Variants in MYO7A observed in about 807,000 individuals in gnomAD.
MYO7A encodes unconventional myosin-VIIa.
MYO7A carries 210 observed loss-of-function variants against 263.8 expected under a neutral mutation model. The observed-to-expected ratio is 0.80, with a 90% CI of 0.71 to 0.89. MYO7A has a LOEUF of 0.89. Ranked by LOEUF, MYO7A falls within the 40% of genes least tolerant of loss-of-function variation. The pLI is 0.00. For missense variants in MYO7A, 2,820 were observed against 2,968.3 expected, an observed-to-expected ratio of 0.95 and a Z score of 1.16; for synonymous variants, 1,239 against 1,197.3, an observed-to-expected ratio of 1.03 and a Z score of -0.72.
At chr11:77,131,883 G>A (rs1591167520) in intron 2 of MYO7A, among the ~76,000 whole-genome samples, 2 of 152,216 alleles carry the variant, frequency 1.3e-5, no homozygotes, top group African/African-American at 4.8e-5. Flanking sequence ...TGCACAGGCC[G>A]GGCCTAATGG....
intron 14 of MYO7A, among the ~76,000 whole-genome samples, chr11:77,165,822 C>G (rs1469604047): frequency 1.3e-5 from 2 of 152,128 alleles, no homozygotes; most frequent in Non-Finnish European, 2.9e-5. Flanking sequence ...CTGAGACCCC[C>G]CTGCCCTTCT....
chr11:77,203,935 T>C, intron 38 of MYO7A, 141 bp from the exon 39 acceptor site: 1 of 915,046 alleles, frequency 1.1e-6, no homozygotes, highest in Non-Finnish European at 1.6e-6. Context: ...GTGGGGCAGA[T>C]CATGCCCATT....
chr11:77,129,460 C>T (rs1950700456), intron 1 of MYO7A, among the ~76,000 whole-genome samples: 1 of 152,138 alleles, frequency 6.6e-6, no homozygotes, highest in Non-Finnish European at 1.5e-5. Flanking sequence ...AGGTTGGGAG[C>T]CAGAGGGGCC....
chr11:77,154,193 G>C (rs1175942487), intron 4 of MYO7A, among the ~76,000 whole-genome samples: 1 of 152,212 alleles, frequency 6.6e-6, no homozygotes, highest in African/African-American at 2.4e-5. Context: ...CTTTACAACA[G>C]CCAAGGGAGG....
In MYO7A at chr11:77,184,702, C is replaced by T. The variant is rs534291510; in HGVS notation, c.3490C>T (p.Arg1164Trp). Residue 1164 changes from arginine to tryptophan, a missense_variant, in exon 27 of 49, where the codon CGG (arginine) becomes TGG (tryptophan). Coordinates refer to ENST00000409709, the MANE Select transcript of MYO7A (RefSeq NM_000260.4). ...CTTCATCATCGGCAATGGCATCCTG[C>T]GGCCAGCACTCCGGTCAGTGCCGGG... ...LHFIIGNGIL[R>W]PALRDEIYCQ... The T allele has an allele frequency of 4.4e-6, 7 of 1,600,236 alleles. No homozygotes were observed. Among genetic ancestry groups the T allele is most frequent in the East Asian group, 2.2e-5 (1 of 44,466 alleles).
At chr11:77,210,108 AT>A (rs1354428836) in intron 44 of MYO7A, among the ~76,000 whole-genome samples, 4 of 152,232 alleles carry the variant, frequency 2.6e-5, no homozygotes, top group Admixed American at 6.5e-5. Context: ...TCACCTTGTT[AT>A]ATTCTCTTAC....
In MYO7A at chr11:77,159,430, C is replaced by T. The variant is rs782373665; in HGVS notation, c.1004-17C>T. ...CCACCCTCCCTCCCCTGATGCTGTG[C>T]CCCTTGCTGCCAACAGCACGCACAT... On this transcript the variant is annotated splice_polypyrimidine_tract_variant and intron_variant, in intron 9 of 48. Transcript: ENST00000409709. 3.4e-6 allele frequency: 2 copies of T among 594,104 alleles called. No homozygotes were observed. Among genetic ancestry groups the T allele is most frequent in the East Asian group, 4.6e-5 (1 of 21,510 alleles). The allele number at this position is 594,104 out of a possible 1,614,324, so 36.8% of individuals were successfully genotyped here.
intron 3 of MYO7A, among the ~76,000 whole-genome samples, chr11:77,145,080 A>G (rs1951472576): frequency 6.6e-6 from 1 of 152,190 alleles, no homozygotes; most frequent in Non-Finnish European, 1.5e-5. Flanking sequence ...CCACGCAGGA[A>G]ACAGTGGGAG....
chr11:77,132,270 C>G (rs1950787176), intron 2 of MYO7A, among the ~76,000 whole-genome samples: 1 of 152,098 alleles, frequency 6.6e-6, no homozygotes, highest in African/African-American at 2.4e-5. Context: ...CTCTGCCTAC[C>G]TGGGGCTTCC....
intron 2 of MYO7A, among the ~76,000 whole-genome samples, chr11:77,131,385 G>A (rs1273244281): frequency 2.0e-5 from 3 of 152,226 alleles, no homozygotes; most frequent in African/African-American, 7.2e-5. Context: ...AGGCTGCACG[G>A]ACCAGCATGT....
chr11:77,181,411 C>T lies in MYO7A; in HGVS notation c.2726C>T (p.Ala909Val). The T allele has an allele frequency of 3.8e-6, 6 of 1,583,606 alleles. No homozygotes were observed. Among genetic ancestry groups the T allele is most frequent in the Non-Finnish European group, 5.1e-6 (6 of 1,165,566 alleles). Residue 909 changes from alanine to valine, a missense_variant, in exon 23 of 49, where the codon GCT becomes GTT. Physicochemically the swap from Ala to Val is moderately conservative, Grantham distance 64 (BLOSUM62 0). Coordinates refer to ENST00000409709, the MANE Select transcript of MYO7A (RefSeq NM_000260.4). ...CTGGCCCAGCTGGCTCGTGAGGACG[C>T]TGAGCGGGAGCTGAAGGAGAAGGAG... The part of the protein sequence containing the change: ...ERLAQLARED[A>V]ERELKEKEAA...
In MYO7A at chr11:77,142,748, T is replaced by A; in HGVS notation, c.58T>A (p.Phe20Ile). The A allele has an allele frequency of 6.2e-7, 1 of 1,611,800 alleles. No individual in the cohort carries two copies. The highest frequency in any genetic ancestry group is 8.5e-7 in the Non-Finnish European group (1 of 1,179,194). Residue 20 changes from phenylalanine (F) to isoleucine (I), a missense_variant, in exon 3 of 49, where the codon TTC (phenylalanine) becomes ATC (isoleucine). Coordinates refer to ENST00000409709, the MANE Select transcript of MYO7A (RefSeq NM_000260.4). ...VWMDLRLGQE[F>I]DVPIGAVVKL... ...GATGGACCTGAGATTGGGGCAGGAG[T>A]TCGACGTGCCCATCGGGGCGGTGGT...
At chr11:77,184,833 C>T (rs557117939) in intron 27 of MYO7A, 118 bp downstream of exon 27, 1 of 1,498,608 alleles carries the variant, frequency 6.7e-7, no homozygotes, top group Non-Finnish European at 9.1e-7. Context: ...TCGCTGCTAG[C>T]TAGTTGGTGG....
chr11:77,179,762 G>A lies in MYO7A; in HGVS notation c.2395G>A (p.Ala799Thr). ...LMRLGFLRLQ[A>T]LHRSRKLHQQ... is the part of the protein sequence containing the mutation. ...GCGTCTGGGCTTCCTGCGGCTGCAGGCCCTGCACCGCTCCCGGAAGCTGCA... is the reference window on the plus strand; with the variant it reads ...GCGTCTGGGCTTCCTGCGGCTGCAGACCCTGCACCGCTCCCGGAAGCTGCA... Residue 799 changes from alanine to threonine, a missense_variant, in exon 21 of 49, where the codon GCC (alanine) becomes ACC (threonine). Transcript: ENST00000409709. 1.3e-6 allele frequency: 2 copies of A among 1,549,974 alleles called. No homozygotes were observed. Among genetic ancestry groups the A allele is most frequent in the Non-Finnish European group, 1.7e-6 (2 of 1,148,966 alleles).
chr11:77,131,426 C>CTG (rs1565291694), intron 2 of MYO7A, among the ~76,000 whole-genome samples: 2 of 152,118 alleles, frequency 1.3e-5, no homozygotes, highest in East Asian at 3.9e-4. Context: ...GTGTGTGTGT[C>CTG]TGTGTGTGTG....
intron 30 of MYO7A, chr11:77,191,086 C>G: frequency 2.1e-6 from 1 of 472,088 alleles, no homozygotes; most frequent in Non-Finnish European, 3.7e-6. Context: ...CTTTGGGAGG[C>G]TGAGGCGGGC....
intron 2 of MYO7A, among the ~76,000 whole-genome samples, chr11:77,140,014 C>A (rs1275361061): frequency 6.6e-6 from 1 of 152,236 alleles, no homozygotes; most frequent in Non-Finnish European, 1.5e-5. Context: ...ATAGTTTGGT[C>A]ACTGCCCTCT....
chr11:77,148,989 A>G (rs1951777330), intron 4 of MYO7A, among the ~76,000 whole-genome samples: 1 of 152,188 alleles, frequency 6.6e-6, no homozygotes, highest in African/African-American at 2.4e-5. Context: ...TGGAAAAGAG[A>G]TGGCTTTGCA....
At chr11:77,199,359 G>T (rs1192742787) in intron 34 of MYO7A, among the ~76,000 whole-genome samples, 176 bp from the exon 35 acceptor site, 1 of 152,212 alleles carries the variant, frequency 6.6e-6, no homozygotes, top group Admixed American at 6.5e-5. Flanking sequence ...GATTTAAAGG[G>T]TGAGTAGGAA....
Sources: allele counts gnomAD v4.1 joint callset (sites outside exome capture counted in the v4.1 genomes callset), GRCh38; gene constraint gnomAD v4.1.1; transcripts MANE v1.5; gene names NCBI Gene and HGNC (gene_info 2026-07-23, HGNC 2026-07-21).